The following SV2C variants were observed in gnomAD, a reference collection of about 807,000 sequenced individuals.
SV2C encodes solute carrier family 22 member B3.
In SV2C, 49 loss-of-function variants were observed where a neutral mutation model predicts 79.7. The ratio of observed to expected loss-of-function variants is 0.61; its 90% CI spans 0.49 to 0.78. The LOEUF (loss-of-function observed/expected upper bound fraction) is 0.78, where lower values mean the gene tolerates loss of function less well. Among genes scored for constraint, SV2C ranks in the 30% least tolerant of loss-of-function variants. The pLI is 0.00. For synonymous variants in SV2C, 334 were observed against 333.2 expected, an observed-to-expected ratio of 1.00 and a Z score of -0.03; for missense variants, 833 against 912.9, an observed-to-expected ratio of 0.91 and a Z score of 1.13.
At chr5:76,240,876 C>G (rs1170541069) in intron 4 of SV2C, among the ~76,000 whole-genome samples, 2 of 152,204 alleles carry the variant, frequency 1.3e-5, no homozygotes, top group Non-Finnish European at 2.9e-5. Context: ...CTAGTTATGA[C>G]ACTACAGGCA....
chr5:76,044,159 T>A, the SV2C span, among the ~76,000 whole-genome samples: 2 of 152,180 alleles, frequency 1.3e-5, no homozygotes, highest in Non-Finnish European at 2.9e-5. Flanking sequence ...GAACATGCGA[T>A]GTTTGTTTTT....
At chr5:76,121,472 G>C in intron 1 of SV2C, among the ~76,000 whole-genome samples, 1 of 150,972 alleles carries the variant, frequency 6.6e-6, no homozygotes, top group African/African-American at 2.5e-5. Flanking sequence ...GTAATGCCTA[G>C]GTTTTCTTCT....
intron 4 of SV2C, among the ~76,000 whole-genome samples, chr5:76,245,747 G>A (rs1016350304): frequency 7.2e-5 from 11 of 152,092 alleles, no homozygotes; most frequent in African/African-American, 1.7e-4. Context: ...GGGGCATTTC[G>A]TGTGATTTAT....
intron 1 of SV2C, among the ~76,000 whole-genome samples, chr5:76,108,763 G>A (rs1748008290): frequency 6.6e-6 from 1 of 152,098 alleles, no homozygotes; most frequent in Non-Finnish European, 1.5e-5. Context: ...GATCAAATGT[G>A]AGTCCCACCC....
intron 1 of SV2C, among the ~76,000 whole-genome samples, chr5:76,095,315 G>C (rs139668790): frequency 5.3e-5 from 8 of 152,140 alleles, no homozygotes; most frequent in Middle Eastern, 3.4e-3. Flanking sequence ...AACTGAAGTA[G>C]TAGAATTTCA....
intron 2 of SV2C, among the ~76,000 whole-genome samples, chr5:76,190,642 C>T (rs1023796618): frequency 1.3e-5 from 2 of 152,094 alleles, no homozygotes; most frequent in African/African-American, 4.8e-5. Flanking sequence ...AAGAGTGGTC[C>T]AAAGACTAGG....
At chr5:76,349,183 G>A (rs1484731514) in intron 12 of SV2C, among the ~76,000 whole-genome samples, 1 of 152,106 alleles carries the variant, frequency 6.6e-6, no homozygotes, top group East Asian at 1.9e-4. Context: ...AAAGTATTTA[G>A]AACAGTGTCA....
intron 4 of SV2C, among the ~76,000 whole-genome samples, chr5:76,235,589 A>G (rs1441673328): frequency 6.6e-6 from 1 of 152,250 alleles, no homozygotes; most frequent in Non-Finnish European, 1.5e-5. Flanking sequence ...GAAACTCAGA[A>G]CACAGAATGC....
At chr5:76,210,750 G>A (rs529956769) in intron 4 of SV2C, among the ~76,000 whole-genome samples, 2 of 152,254 alleles carry the variant, frequency 1.3e-5, no homozygotes, top group South Asian at 4.1e-4. Context: ...GGTCTTTCTG[G>A]TGACCAGTCC....
intron 2 of SV2C, among the ~76,000 whole-genome samples, chr5:76,164,887 C>A (rs1743002022): frequency 6.6e-6 from 1 of 152,050 alleles, no homozygotes; most frequent in Admixed American, 6.6e-5. Context: ...AAATAACCCA[C>A]CCACATCCTC....
chr5:76,220,313 T>G (rs1291949399), intron 4 of SV2C, among the ~76,000 whole-genome samples: 1 of 152,122 alleles, frequency 6.6e-6, no homozygotes, highest in East Asian at 1.9e-4. Flanking sequence ...TGCATTCTTC[T>G]CAATCCTAGG....
chr5:75,988,711 C>T, the SV2C span, among the ~76,000 whole-genome samples: 2 of 151,990 alleles, frequency 1.3e-5, no homozygotes, highest in South Asian at 4.2e-4. Flanking sequence ...AACAAAAGGC[C>T]TGAAGGAAAC....
chr5:76,200,577 C>A (rs2112338295), intron 3 of SV2C, among the ~76,000 whole-genome samples: 1 of 152,314 alleles, frequency 6.6e-6, no homozygotes, highest in East Asian at 1.9e-4. Context: ...GCTGAAGCAT[C>A]ATTAGCAGCA....
intron 4 of SV2C, among the ~76,000 whole-genome samples, chr5:76,227,637 A>G (rs189546203): frequency 3.7e-4 from 56 of 152,368 alleles, no homozygotes; most frequent in Admixed American, 1.1e-3. Flanking sequence ...AACACAATGC[A>G]TGAGCCAGAT....
At chr5:76,182,322 C>A (rs948406223) in intron 2 of SV2C, among the ~76,000 whole-genome samples, 1 of 152,096 alleles carries the variant, frequency 6.6e-6, no homozygotes, top group Non-Finnish European at 1.5e-5. Context: ...ATGACCTATC[C>A]CAAGCTGGAA....
the SV2C span, among the ~76,000 whole-genome samples, chr5:76,054,089 T>C: frequency 6.6e-6 from 1 of 152,012 alleles, no homozygotes; most frequent in East Asian, 1.9e-4. Context: ...AACCCGGTCA[T>C]CTAGGTTTTA....
At chr5:76,126,881 T>C (rs1748721832) in intron 1 of SV2C, among the ~76,000 whole-genome samples, 1 of 152,192 alleles carries the variant, frequency 6.6e-6, no homozygotes, top group African/African-American at 2.4e-5. Flanking sequence ...TGGCCAGGTT[T>C]CAGTTTTCTT....
the SV2C span, chr5:75,920,958 C>T: frequency 2.8e-6 from 2 of 719,442 alleles, no homozygotes; most frequent in Non-Finnish European, 5.1e-6. Context: ...ATGGCCCGGC[C>T]CCTGAGGAGG....
chr5:75,955,791 A>G, the SV2C span, among the ~76,000 whole-genome samples: 2 of 150,546 alleles, frequency 1.3e-5, no homozygotes, highest in Non-Finnish European at 3.0e-5. Context: ...AAACACGTGA[A>G]AAAATGCTCA....
Sources: allele counts gnomAD v4.1 joint callset (sites outside exome capture counted in the v4.1 genomes callset), GRCh38; gene constraint gnomAD v4.1.1; transcripts MANE v1.5; gene names NCBI Gene and HGNC (gene_info 2026-07-23, HGNC 2026-07-21).